Variants in COTL1 observed in about 807,000 individuals in gnomAD.
COTL1 encodes the protein coactosin-like protein.
In COTL1, 15 loss-of-function variants were observed where a neutral mutation model predicts 16.5. The ratio of observed to expected loss-of-function variants is 0.91; its 90% CI spans 0.61 to 1.40. COTL1 has a LOEUF of 1.40. COTL1 is among the 40% of genes most tolerant of loss of function. The pLI is 0.00. For missense variants in COTL1, 220 were observed against 201.5 expected (o/e 1.09, Z -0.56); for synonymous variants, 112 against 85.3 (o/e 1.31, Z -1.73).
chr16:84,589,645 A>T (rs928433243), intron 3 of COTL1, among the ~76,000 whole-genome samples: 1 of 152,040 alleles, frequency 6.6e-6, no homozygotes, highest in Non-Finnish European at 1.5e-5. Context: ...GAAGTTTCTG[A>T]CATTGCAAAT....
chr16:84,602,535 T>C (rs961460219), intron 2 of COTL1, among the ~76,000 whole-genome samples: 1 of 152,030 alleles, frequency 6.6e-6, no homozygotes, highest in Admixed American at 6.5e-5. Context: ...AACAACTGAT[T>C]TGTTTTGACA....
At chr16:84,604,926 G>A (rs1381656488) in intron 2 of COTL1, among the ~76,000 whole-genome samples, 2 of 152,260 alleles carry the variant, frequency 1.3e-5, no homozygotes, top group Non-Finnish European at 2.9e-5. Flanking sequence ...GTGCTTCCGG[G>A]TCAGAGCAGA....
chr16:84,588,503 G>C (rs1464070726), intron 3 of COTL1, among the ~76,000 whole-genome samples: 1 of 151,884 alleles, frequency 6.6e-6, no homozygotes, highest in Non-Finnish European at 1.5e-5. Flanking sequence ...CTATTTTTTT[G>C]TTTGTTTTTC....
chr16:84,601,088 T>C (rs2150692622), intron 2 of COTL1, among the ~76,000 whole-genome samples: 1 of 152,300 alleles, frequency 6.6e-6, no homozygotes. Flanking sequence ...AAGGAGACGC[T>C]GCGCCACTGA....
At chr16:84,594,219 G>T (rs1232977410) in intron 2 of COTL1, among the ~76,000 whole-genome samples, 1 of 149,312 alleles carries the variant, frequency 6.7e-6, no homozygotes, top group Non-Finnish European at 1.5e-5. Flanking sequence ...GTGATTTCAC[G>T]CCTCCCTTAT....
At chr16:84,601,573 CAGCCTCCCG>C (rs911307585) in intron 2 of COTL1, among the ~76,000 whole-genome samples, 2 of 152,198 alleles carry the variant, frequency 1.3e-5, no homozygotes, top group Admixed American at 6.5e-5. Context: ...TCTCCTGCCT[CAGCCTCCCG>C]AGTAGCTGGG....
chr16:84,607,005 G>A (rs1223296185), intron 2 of COTL1, among the ~76,000 whole-genome samples: 1 of 152,192 alleles, frequency 6.6e-6, no homozygotes, highest in African/African-American at 2.4e-5. Context: ...CCCATGACTT[G>A]GGCCCACTCA....
chr16:84,603,255 A>G (rs1905137665), intron 2 of COTL1, among the ~76,000 whole-genome samples: 1 of 152,132 alleles, frequency 6.6e-6, no homozygotes, highest in Non-Finnish European at 1.5e-5. Flanking sequence ...CAGCTGACTC[A>G]CTTTACTCTT....
intron 3 of COTL1, among the ~76,000 whole-genome samples, chr16:84,572,520 G>C (rs1210287170): frequency 6.6e-6 from 1 of 152,120 alleles, no homozygotes; most frequent in African/African-American, 2.4e-5. Flanking sequence ...GCGTGCAGTG[G>C]TGCGATCTCG....
chr16:84,602,833 C>T (rs960898490), intron 2 of COTL1, among the ~76,000 whole-genome samples: 4 of 149,024 alleles, frequency 2.7e-5, no homozygotes, highest in East Asian at 2.0e-4. Context: ...CCAGCCTGGG[C>T]GACAGAGACT....
At chr16:84,613,002 C>CTT (rs201067681) in intron 2 of COTL1, among the ~76,000 whole-genome samples, 101 of 130,466 alleles carry the variant, frequency 7.7e-4, no homozygotes, top group Middle Eastern at 3.9e-3. Flanking sequence ...TTCTTTCTTT[C>CTT]TTTCTTTTTT....
chr16:84,573,160 A>AT (rs1904369565), intron 3 of COTL1, among the ~76,000 whole-genome samples: 2 of 152,218 alleles, frequency 1.3e-5, no homozygotes, highest in South Asian at 4.1e-4. Context: ...AAATATTGTC[A>AT]TTTCCACAAT....
chr16:84,608,270 A>C (rs138887947), intron 2 of COTL1, among the ~76,000 whole-genome samples: 1 of 152,224 alleles, frequency 6.6e-6, no homozygotes, highest in African/African-American at 2.4e-5. Flanking sequence ...TAACTTCTGA[A>C]TATTTTCAAG....
intron 3 of COTL1, among the ~76,000 whole-genome samples, chr16:84,589,094 C>T (rs1231939301): frequency 6.6e-6 from 1 of 152,160 alleles, no homozygotes; most frequent in African/African-American, 2.4e-5. Flanking sequence ...CCTCAGCCTC[C>T]CAAGTAGCTG....
chr16:84,591,182 G>A (rs1479302648), intron 2 of COTL1, among the ~76,000 whole-genome samples: 1 of 136,926 alleles, frequency 7.3e-6, no homozygotes, highest in African/African-American at 2.9e-5. Flanking sequence ...TGATATTCTG[G>A]AATTTTTTTT....
chr16:84,607,408 C>CT (rs1905235592), intron 2 of COTL1, among the ~76,000 whole-genome samples: 2 of 152,184 alleles, frequency 1.3e-5, no homozygotes, highest in Admixed American at 1.3e-4. Context: ...TTCTTCCCAA[C>CT]TGCAGCATCT....
At chr16:84,610,187 G>A (rs1905291750) in intron 2 of COTL1, among the ~76,000 whole-genome samples, 1 of 152,176 alleles carries the variant, frequency 6.6e-6, no homozygotes, top group Admixed American at 6.5e-5. Context: ...GTCCAGCCTG[G>A]ATTCTCCTCT....
At chr16:84,606,332 C>T (rs1474089625) in intron 2 of COTL1, among the ~76,000 whole-genome samples, 1 of 152,266 alleles carries the variant, frequency 6.6e-6, no homozygotes, top group South Asian at 2.1e-4. Context: ...GAGGGGACGG[C>T]GGGCCCTCCT....
At chr16:84,572,086 C>T (rs749369222) in intron 3 of COTL1, among the ~76,000 whole-genome samples, 3 of 152,256 alleles carry the variant, frequency 2.0e-5, no homozygotes, top group Non-Finnish European at 4.4e-5. Flanking sequence ...CGCCTTCCAG[C>T]GGCTCCCATG....
Sources: allele counts gnomAD v4.1 joint callset (sites outside exome capture counted in the v4.1 genomes callset), GRCh38; gene constraint gnomAD v4.1.1; transcripts MANE v1.5; gene names NCBI Gene and HGNC (gene_info 2026-07-23, HGNC 2026-07-21).